RAB8B: variants seen among roughly 807,000 people sequenced by gnomAD.
RAB8B encodes the protein RAB8B, member RAS oncogene family.
RAB8B carries 11 observed loss-of-function variants against 32.0 expected under a neutral mutation model. That is an observed-to-expected ratio of 0.34 (90% confidence interval 0.22 to 0.57). The LOEUF (loss-of-function observed/expected upper bound fraction) is 0.57, where lower values mean the gene tolerates loss of function less well. Among genes scored for constraint, RAB8B ranks in the 20% least tolerant of loss-of-function variants. RAB8B has a pLI of 0.86. For missense variants in RAB8B, 190 were observed against 258.5 expected (o/e 0.73, Z 1.82); for synonymous variants, 103 against 89.6 (o/e 1.15, Z -0.85).
intron 1 of RAB8B, among the ~76,000 whole-genome samples, chr15:63,217,887 A>G (rs909947013): frequency 9.2e-5 from 14 of 152,220 alleles, no homozygotes; most frequent in African/African-American, 3.4e-4. Context: ...TCTTTTCCCT[A>G]GATTGAGAGT....
At chr15:63,262,293 T>C (rs951878953) in intron 6 of RAB8B, among the ~76,000 whole-genome samples, 2 of 152,142 alleles carry the variant, frequency 1.3e-5, no homozygotes, top group South Asian at 4.1e-4. Context: ...TATTGTGATA[T>C]TATATCACAT....
chr15:63,242,501 A>C (rs548687138), intron 1 of RAB8B, among the ~76,000 whole-genome samples: 1 of 151,906 alleles, frequency 6.6e-6, no homozygotes, highest in Non-Finnish European at 1.5e-5. Flanking sequence ...ACATGGTGAA[A>C]CCCCGTCTCC....
chr15:63,237,821 T>C (rs1368784266), intron 1 of RAB8B, among the ~76,000 whole-genome samples: 1 of 152,238 alleles, frequency 6.6e-6, no homozygotes, highest in Non-Finnish European at 1.5e-5. Flanking sequence ...TCCAATGTCC[T>C]GGAGAGTTTC....
intron 1 of RAB8B, among the ~76,000 whole-genome samples, chr15:63,200,086 G>T (rs375778285): frequency 1.5e-4 from 23 of 152,264 alleles, no homozygotes; most frequent in African/African-American, 5.3e-4. Context: ...GATCATGAAG[G>T]GTGAGTGCAG....
intron 1 of RAB8B, among the ~76,000 whole-genome samples, chr15:63,232,302 C>A (rs1368796474): frequency 6.6e-6 from 1 of 152,080 alleles, no homozygotes; most frequent in Non-Finnish European, 1.5e-5. Flanking sequence ...TTTAACCTTA[C>A]AAATTAAAGC....
At chr15:63,207,191 A>C (rs1447683636) in intron 1 of RAB8B, among the ~76,000 whole-genome samples, 1 of 152,164 alleles carries the variant, frequency 6.6e-6, no homozygotes, top group Non-Finnish European at 1.5e-5. Flanking sequence ...TGATTATTGC[A>C]TTGATGTCCA....
intron 6 of RAB8B, among the ~76,000 whole-genome samples, chr15:63,261,056 T>C (rs2038199470): frequency 6.6e-6 from 1 of 152,202 alleles, no homozygotes; most frequent in African/African-American, 2.4e-5. Flanking sequence ...TTCCCTCTGC[T>C]TGATACAAAA....
At chr15:63,241,151 T>C (rs1428285806) in intron 1 of RAB8B, among the ~76,000 whole-genome samples, 1 of 152,106 alleles carries the variant, frequency 6.6e-6, no homozygotes, top group Non-Finnish European at 1.5e-5. Flanking sequence ...GAGACCAGCC[T>C]GGTCAACATG....
chr15:63,242,935 T>C (rs2038044268), intron 1 of RAB8B, among the ~76,000 whole-genome samples: 1 of 152,164 alleles, frequency 6.6e-6, no homozygotes, highest in Non-Finnish European at 1.5e-5. Context: ...TTATATTCTA[T>C]TTTTATTACA....
chr15:63,226,015 A>AT lies in RAB8B; in HGVS notation c.125-18737dup, dbSNP rs1446063538. ...GCCACCATGCCTGGCTCATTTTTGT[A>AT]TTTTCTGTAGAGACGGGATTTTGCC... On this transcript the variant is annotated intron_variant, in intron 1 of 7. Transcript: ENST00000321437. Among the ~76,000 whole-genome samples the AT allele has an allele frequency of 2.0e-5, 3 of 151,534 alleles. No individual in the cohort carries two copies. In the East Asian group the frequency reaches 5.8e-4, roughly 29 times the overall value.
intron 1 of RAB8B, among the ~76,000 whole-genome samples, chr15:63,234,918 C>G (rs559565707): frequency 6.6e-6 from 1 of 152,248 alleles, no homozygotes; most frequent in South Asian, 2.1e-4. Context: ...TGTCCTTGGT[C>G]CAAGTCAAAA....
chr15:63,252,430 A>G (rs1445519130), intron 3 of RAB8B, among the ~76,000 whole-genome samples: 1 of 152,208 alleles, frequency 6.6e-6, no homozygotes, highest in Non-Finnish European at 1.5e-5. Flanking sequence ...CCCATTTAAT[A>G]TGTGGTGGAG....
chr15:63,242,534 T>C (rs2038040950), intron 1 of RAB8B, among the ~76,000 whole-genome samples: 1 of 151,990 alleles, frequency 6.6e-6, no homozygotes, highest in African/African-American at 2.4e-5. Context: ...AAAAATTATC[T>C]GGGCGTGATG....
In RAB8B at chr15:63,259,187, T is replaced by G. The variant is rs1307572307; in HGVS notation, c.415-440T>G. ...TGGACTGGAGTGCAGTGGTGCGATC[T>G]CGGCTTACTCCAACCTCTGCCTCCT... On this transcript the variant is annotated intron_variant, in intron 5 of 7. Transcript: ENST00000321437. This position sits in a 1 kb window ranked among gnomAD's most constrained non-coding sequence, Gnocchi z 4.4. Among the ~76,000 whole-genome samples, 1 of 152,188 alleles carries G rather than the reference T, an allele frequency of 6.6e-6. No individual in the cohort carries two copies. The highest frequency in any genetic ancestry group is 2.4e-5 in the African/African-American group (1 of 41,440).
rs756914670 is a variant in RAB8B, at chr15:63,189,639, C to G, written c.15C>G (p.Tyr5Ter). The change falls in exon 1 of 8, where the codon TAC becomes TAG. Residue 5 changes from tyrosine to a stop codon, truncating the protein, a stop_gained. Transcript: ENST00000321437. LOFTEE classifies it high-confidence loss of function. ...GGAGCGAGAAGATGGCGAAGACGTA[C>G]GATTATCTCTTCAAGCTCCTGCTGA... MAKT[Y>*]DYLFKLLLIG... 1 of 1,613,798 alleles carries G rather than the reference C, an allele frequency of 6.2e-7. No homozygotes were observed. The highest frequency in any genetic ancestry group is 8.5e-7 in the Non-Finnish European group (1 of 1,179,842).
At chr15:63,218,566 T>C (rs1018056690) in intron 1 of RAB8B, among the ~76,000 whole-genome samples, 2 of 152,214 alleles carry the variant, frequency 1.3e-5, no homozygotes, top group African/African-American at 4.8e-5. Context: ...CTGGAGTCAT[T>C]TATTTTGCAG....
chr15:63,220,790 T>A (rs944685181), intron 1 of RAB8B, among the ~76,000 whole-genome samples: 2 of 152,160 alleles, frequency 1.3e-5, no homozygotes, highest in African/African-American at 4.8e-5. Context: ...GGAGGGAGGT[T>A]CCAAATGAAG....
chr15:63,255,575 C>T lies in RAB8B; in HGVS notation c.315C>T (p.Asn105=), dbSNP rs1302352320. 3 of 1,597,090 alleles carry T rather than the reference C, an allele frequency of 1.9e-6. No individual in the cohort carries two copies. The highest frequency in any genetic ancestry group is 2.6e-6 in the Non-Finnish European group (3 of 1,164,776). The change falls in exon 4 of 8, where the codon AAC becomes AAT. Residue 105 remains asparagine (N), a synonymous_variant. Transcript: ENST00000321437. ...SFDNIKNWIR[N]IEEHASSDVE... is the part of the protein sequence containing the mutation. ...ACAATATTAAAAATTGGATCAGAAA[C>T]ATTGAAGAGGTATGTGTGGAAAGAG... is the stretch of plus-strand genomic sequence containing the variant.
chr15:63,208,079 A>G (rs1312616132), intron 1 of RAB8B, among the ~76,000 whole-genome samples: 3 of 152,182 alleles, frequency 2.0e-5, no homozygotes, highest in African/African-American at 7.2e-5. Flanking sequence ...TGATTATCAT[A>G]TTAATCCCTT....
Sources: allele counts gnomAD v4.1 joint callset (sites outside exome capture counted in the v4.1 genomes callset), GRCh38; gene constraint gnomAD v4.1.1; non-coding constraint Gnocchi (gnomAD v3.1); transcripts MANE v1.5; gene names NCBI Gene and HGNC (gene_info 2026-07-23, HGNC 2026-07-21).